Variants in TAMM41 observed in about 807,000 individuals in gnomAD.
TAMM41 encodes the protein phosphatidate cytidylyltransferase, mitochondrial.
Under a neutral mutation model 44.1 loss-of-function variants are expected in TAMM41, and 36 were observed. That is an observed-to-expected ratio of 0.82 (90% CI 0.63 to 1.08). TAMM41 has a LOEUF of 1.08. Among genes scored for constraint, TAMM41 ranks in the 50% least tolerant of loss-of-function variants. TAMM41 has a pLI of 0.00. For missense variants in TAMM41, 417 were observed against 404.3 expected (o/e 1.03, Z -0.27); for synonymous variants, 164 against 153.1 (o/e 1.07, Z -0.53).
chr3:11,728,569 C>T, the TAMM41 span, among the ~76,000 whole-genome samples: 1 of 152,350 alleles, frequency 6.6e-6, no homozygotes, highest in African/African-American at 2.4e-5. Context: ...TGGAAGGAAG[C>T]TCATCTCCAC....
At chr3:11,774,124 C>T in the TAMM41 span, among the ~76,000 whole-genome samples, 2 of 152,086 alleles carry the variant, frequency 1.3e-5, no homozygotes, top group African/African-American at 4.8e-5. Context: ...AAAGAAAAGT[C>T]AGTGTTTCAT....
chr3:11,775,514 G>A, the TAMM41 span, among the ~76,000 whole-genome samples: 2 of 152,220 alleles, frequency 1.3e-5, no homozygotes, highest in South Asian at 4.1e-4. Context: ...GATTTAGAGA[G>A]ATGTGTGTGC....
intron 2 of TAMM41, among the ~76,000 whole-genome samples, chr3:11,839,704 C>A (rs770733742): frequency 3.9e-5 from 6 of 152,190 alleles, no homozygotes; most frequent in Non-Finnish European, 7.3e-5. Context: ...TGATAATAGT[C>A]CCTCCCTAAA....
intron 3 of TAMM41, 168 bp from the exon 4 acceptor site, chr3:11,830,032 C>T (rs1575690787): frequency 1.7e-6 from 1 of 589,350 alleles, no homozygotes; most frequent in East Asian, 2.8e-5. Context: ...CCAGAATCTC[C>T]TTGTTTTATG....
chr3:11,752,624 G>A, the TAMM41 span, among the ~76,000 whole-genome samples: 2 of 64,952 alleles, frequency 3.1e-5, no homozygotes, highest in Admixed American at 3.3e-4. Context: ...TTCTTACAAA[G>A]CTTTTTTTTT....
At chr3:11,811,638 T>C (rs2078089443) in intron 5 of TAMM41, 1 of 152,238 alleles carries the variant, frequency 6.6e-6, no homozygotes, top group Non-Finnish European at 1.5e-5. Flanking sequence ...TCAAATTGCA[T>C]TTTAAAAGCG....
chr3:11,766,541 A>G, the TAMM41 span, among the ~76,000 whole-genome samples: 2 of 151,596 alleles, frequency 1.3e-5, no homozygotes, highest in Admixed American at 1.3e-4. Context: ...TATTTATTTT[A>G]TTTTATTATT....
intron 3 of TAMM41, among the ~76,000 whole-genome samples, chr3:11,833,589 C>T (rs1290584100): frequency 6.6e-6 from 1 of 152,194 alleles, no homozygotes; most frequent in Non-Finnish European, 1.5e-5. Flanking sequence ...ACCTGCTGGA[C>T]TCTGGGCTCT....
chr3:11,841,073 A>ATTTTTTTT (rs141805597), intron 2 of TAMM41, among the ~76,000 whole-genome samples: 11 of 83,964 alleles, frequency 1.3e-4, no homozygotes, highest in East Asian at 3.8e-4. Context: ...GCCCATTTCT[A>ATTTTTTTT]TTTTTTTTTT....
chr3:11,813,866 A>ATATG (rs1288647635), intron 5 of TAMM41, among the ~76,000 whole-genome samples: 2 of 142,758 alleles, frequency 1.4e-5, no homozygotes, highest in Non-Finnish European at 3.0e-5. Flanking sequence ...GTATGTATGT[A>ATATG]TATATATGTA....
chr3:11,819,937 TGAG>T (rs2078446447), intron 4 of TAMM41, among the ~76,000 whole-genome samples: 1 of 152,140 alleles, frequency 6.6e-6, no homozygotes, highest in Non-Finnish European at 1.5e-5. Context: ...ATTTTACAGA[TGAG>T]GAGATGGACG....
chr3:11,835,038 A>C (rs2125046460), intron 3 of TAMM41, among the ~76,000 whole-genome samples: 1 of 152,318 alleles, frequency 6.6e-6, no homozygotes, highest in East Asian at 1.9e-4. Flanking sequence ...ATTCTATTTC[A>C]ATTTGCAAGA....
chr3:11,832,756 A>G (rs1185937680), intron 3 of TAMM41, among the ~76,000 whole-genome samples: 1 of 152,160 alleles, frequency 6.6e-6, no homozygotes, highest in Non-Finnish European at 1.5e-5. Context: ...ATCCCCATTC[A>G]TCACACATCC....
rs368176339 is a variant in TAMM41, at chr3:11,844,088, T to C, written c.259A>G (p.Ile87Val). The C allele has an allele frequency of 8.1e-5, 131 of 1,614,102 alleles. No individual in the cohort carries two copies. The Middle Eastern group carries it at 1.3e-3, about 16-fold the overall frequency. The part of the protein sequence containing the change: ...KVLGPKIITS[I>V]QNNYGAGVYY... Reference sequence around the variant, plus strand: ...ACTCCAGCGCCATAGTTATTCTGGATGGACGTGATAATCTTGGGCCCTAAA... The same window carrying C: ...ACTCCAGCGCCATAGTTATTCTGGACGGACGTGATAATCTTGGGCCCTAAA... The change falls in exon 2 of 8, where the codon ATC (isoleucine) becomes GTC (valine). Residue 87 changes from isoleucine to valine, a missense_variant. By Grantham distance (29) the Ile-to-Val change is conservative. Transcript: ENST00000455809.
intron 7 of TAMM41, among the ~76,000 whole-genome samples, chr3:11,796,196 T>C (rs1308792546): frequency 1.3e-5 from 2 of 152,204 alleles, no homozygotes; most frequent in Admixed American, 1.3e-4. Flanking sequence ...AGGGCAGTCC[T>C]CCGAGCTGGT....
At chr3:11,818,728 C>G (rs536532227) in intron 4 of TAMM41, among the ~76,000 whole-genome samples, 7 of 152,092 alleles carry the variant, frequency 4.6e-5, no homozygotes, top group Non-Finnish European at 7.4e-5. Flanking sequence ...AATCCCGTCT[C>G]TACTAAAAAA....
the TAMM41 span, among the ~76,000 whole-genome samples, chr3:11,751,495 T>C: frequency 6.6e-6 from 1 of 152,206 alleles, no homozygotes; most frequent in Admixed American, 6.5e-5. Context: ...GGTAACCCTG[T>C]TGTGTCCAGT....
At chr3:11,735,429 T>G in the TAMM41 span, among the ~76,000 whole-genome samples, 1 of 151,002 alleles carries the variant, frequency 6.6e-6, no homozygotes, top group African/African-American at 2.4e-5. Flanking sequence ...AGCTCAGGAG[T>G]TTGAGACCAA....
the TAMM41 span, among the ~76,000 whole-genome samples, chr3:11,735,327 CA>C: frequency 6.6e-6 from 1 of 152,120 alleles, no homozygotes; most frequent in Non-Finnish European, 1.5e-5. Flanking sequence ...CACTGCATTC[CA>C]GCCTGGGTGA....
Sources: gnomAD v4.1 joint callset for allele counts (sites outside exome capture counted in the v4.1 genomes callset) on GRCh38, gnomAD v4.1.1 for gene constraint, MANE v1.5 for transcripts, NCBI Gene and HGNC (gene_info 2026-07-23, HGNC 2026-07-21) for gene names.